ANKS1B: variants seen among roughly 807,000 people sequenced by gnomAD.
ANKS1B encodes ankyrin repeat and sterile alpha motif domain-containing protein 1B.
ANKS1B carries 36 observed loss-of-function variants against 148.3 expected under a neutral mutation model. The ratio of observed to expected loss-of-function variants is 0.24; its 90% CI spans 0.19 to 0.32. The LOEUF (loss-of-function observed/expected upper bound fraction) is 0.32, where lower values mean the gene tolerates loss of function less well. Among genes scored for constraint, ANKS1B ranks in the 10% least tolerant of loss-of-function variants. The pLI, the probability that ANKS1B is intolerant of heterozygous loss-of-function variation, is 1.00. For missense variants in ANKS1B, 1,157 were observed against 1,542.6 expected (o/e 0.75, Z 4.19); for synonymous variants, 542 against 560.8 (o/e 0.97, Z 0.47).
In ANKS1B at chr12:99,375,416, T is replaced by C. The variant is rs1051339168; in HGVS notation, c.1756+24215A>G. Reference sequence around the variant, plus strand: ...CTCTCAGGTCTGTCCCTTTCTTACGTTGATTTGGGAAAGTTACTATTTTCC... The same window carrying C: ...CTCTCAGGTCTGTCCCTTTCTTACGCTGATTTGGGAAAGTTACTATTTTCC... On this transcript the variant is annotated intron_variant, in intron 12 of 26. Transcript: ENST00000683438. Among the ~76,000 whole-genome samples the C allele has an allele frequency of 3.3e-5, 5 of 152,206 alleles. 1 individual carries two copies. The highest frequency in any genetic ancestry group is 7.4e-5 in the Non-Finnish European group (5 of 68,026).
intron 9 of ANKS1B, among the ~76,000 whole-genome samples, chr12:99,615,863 G>T (rs983595174): frequency 2.0e-5 from 3 of 152,126 alleles, no homozygotes; most frequent in Non-Finnish European, 4.4e-5. Context: ...GTCTCCGTTT[G>T]CAGATGACAT....
chr12:98,815,447 T>C (rs1314374395), intron 19 of ANKS1B, among the ~76,000 whole-genome samples: 1 of 152,228 alleles, frequency 6.6e-6, no homozygotes, highest in African/African-American at 2.4e-5. Flanking sequence ...CAGTCTTCCC[T>C]TCCTTCTTGG....
At chr12:99,768,142 T>A (rs1198524522) in intron 8 of ANKS1B, among the ~76,000 whole-genome samples, 1 of 152,202 alleles carries the variant, frequency 6.6e-6, no homozygotes, top group East Asian at 1.9e-4. Flanking sequence ...ACATATTTCC[T>A]TACATTTTTA....
chr12:99,086,239 T>C (rs2051743491), intron 15 of ANKS1B, among the ~76,000 whole-genome samples: 1 of 152,026 alleles, frequency 6.6e-6, no homozygotes, highest in Admixed American at 6.6e-5. Flanking sequence ...GAAAAGGACA[T>C]CTAATCAGAT....
intron 17 of ANKS1B, among the ~76,000 whole-genome samples, chr12:98,911,056 A>G (rs2099786119): frequency 6.6e-6 from 1 of 152,202 alleles, no homozygotes; most frequent in Non-Finnish European, 1.5e-5. Context: ...CGGGATTTCA[A>G]TGACAAGCCC....
intron 1 of ANKS1B, among the ~76,000 whole-genome samples, chr12:99,894,329 G>GAAAGA (rs1555231428): frequency 9.0e-5 from 7 of 78,114 alleles, no homozygotes; most frequent in Non-Finnish European, 1.6e-4. Flanking sequence ...GGGAGGGAGG[G>GAAAGA]AAAGAAAAGA....
chr12:99,768,633 G>A (rs773731824), intron 8 of ANKS1B, among the ~76,000 whole-genome samples: 3 of 151,834 alleles, frequency 2.0e-5, no homozygotes, highest in African/African-American at 2.4e-5. Flanking sequence ...CGAGACCATC[G>A]TGGCCAACAT....
chr12:99,394,141 T>C (rs1015440229), intron 12 of ANKS1B, among the ~76,000 whole-genome samples: 2 of 152,152 alleles, frequency 1.3e-5, no homozygotes, highest in Admixed American at 6.5e-5. Context: ...TTTCACACTG[T>C]TCTCTCTTTC....
intron 12 of ANKS1B, among the ~76,000 whole-genome samples, chr12:99,363,526 T>C (rs564654702): frequency 6.6e-6 from 1 of 152,046 alleles, no homozygotes; most frequent in Non-Finnish European, 1.5e-5. Context: ...AGATGAAAAA[T>C]AGTCAGCATT....
chr12:99,143,634 G>A, intron 15 of ANKS1B, among the ~76,000 whole-genome samples: 1 of 152,068 alleles, frequency 6.6e-6, no homozygotes, highest in East Asian at 1.9e-4. Context: ...GGTGTCTCCT[G>A]CATGAATGAA....
intron 17 of ANKS1B, among the ~76,000 whole-genome samples, chr12:98,846,894 G>T (rs2099477579): frequency 6.6e-6 from 1 of 152,192 alleles, no homozygotes; most frequent in Admixed American, 6.5e-5. Context: ...AGCACATTGT[G>T]TGAAAAAATG....
intron 1 of ANKS1B, among the ~76,000 whole-genome samples, chr12:99,890,036 A>G (rs1367856225): frequency 6.6e-6 from 1 of 152,178 alleles, no homozygotes; most frequent in Non-Finnish European, 1.5e-5. Flanking sequence ...TTTCTGCTGA[A>G]TGTCCTTTCT....
intron 1 of ANKS1B, among the ~76,000 whole-genome samples, chr12:99,892,006 TTTTG>T (rs753633942): frequency 6.6e-4 from 100 of 152,230 alleles, no homozygotes; most frequent in Admixed American, 9.2e-4. Flanking sequence ...TAATAGGTTT[TTTTG>T]TTTGTTTGTT....
rs148937988 is a variant in ANKS1B at position 99,715,060 on chromosome 12, C to T, written c.1128+57862G>A. Among the ~76,000 whole-genome samples the T allele has an allele frequency of 3.5e-3, 525 of 151,860 alleles. 2 individuals carry two copies. The highest frequency in any genetic ancestry group is 0.011 in the African/African-American group (471 of 41,392). On this transcript the variant is annotated intron_variant, in intron 8 of 26. Transcript: ENST00000683438. ...AGGAGAATAGCTTGAACCTGGGAGG[C>T]GGGGGTTGCAATAAGCAGAGATTGC...
intron 12 of ANKS1B, among the ~76,000 whole-genome samples, chr12:99,329,752 T>G (rs964343448): frequency 3.9e-5 from 6 of 151,932 alleles, no homozygotes; most frequent in Non-Finnish European, 8.8e-5. Context: ...TGCCACTTCA[T>G]GTCCTTAGGC....
Position 98,981,375 on chromosome 12 carries a change from G to A in ANKS1B, c.2778+71782C>T, listed in dbSNP as rs149277583. 8.1e-3 allele frequency among the ~76,000 whole-genome samples: 1,224 copies of A among 151,784 alleles called. 11 individuals are homozygous for A. Among genetic ancestry groups the A allele is most frequent in the African/African-American group, 0.02 (809 of 41,402 alleles). ...TTTTGAGGCAGAGTCTCACTCTGTC[G>A]CCCAGGCTGGAGTGCAATGGCACGA... On this transcript the variant is annotated intron_variant, in intron 17 of 26. Transcript: ENST00000683438.
chr12:99,489,033 G>A (rs2096529563), intron 10 of ANKS1B, among the ~76,000 whole-genome samples: 1 of 151,984 alleles, frequency 6.6e-6, no homozygotes, highest in Non-Finnish European at 1.5e-5. Flanking sequence ...CATAACATCA[G>A]GAGTTTGAGA....
intron 12 of ANKS1B, among the ~76,000 whole-genome samples, chr12:99,279,158 G>A (rs141546744): frequency 4.7e-4 from 71 of 152,186 alleles, no homozygotes; most frequent in Admixed American, 9.2e-4. Context: ...CTATCCTCCT[G>A]CCTTTGTCCT....
chr12:99,906,512 T>A (rs1013056939), intron 1 of ANKS1B, among the ~76,000 whole-genome samples: 1 of 152,184 alleles, frequency 6.6e-6, no homozygotes, highest in East Asian at 1.9e-4. Flanking sequence ...TGAACGGAAT[T>A]TGGTTGATTG....
Sources: gnomAD v4.1 joint callset for allele counts (sites outside exome capture counted in the v4.1 genomes callset) on GRCh38, gnomAD v4.1.1 for gene constraint, MANE v1.5 for transcripts, NCBI Gene and HGNC (gene_info 2026-07-23, HGNC 2026-07-21) for gene names.